DDX21: variants seen among roughly 807,000 people sequenced by gnomAD.
The protein encoded by DDX21 is DExD-box helicase 21.
A neutral mutation model predicts 90.0 loss-of-function variants in DDX21; 18 were observed. The observed-to-expected ratio is 0.20, with a 90% CI of 0.14 to 0.30. The LOEUF is 0.30. Ranked by LOEUF, DDX21 falls within the 10% of genes least tolerant of loss-of-function variation. The pLI, the probability that DDX21 is intolerant of heterozygous loss-of-function variation, is 1.00. For synonymous variants in DDX21, 294 were observed against 318.0 expected (o/e 0.92, Z 0.80); for missense variants, 673 against 944.5 (o/e 0.71, Z 3.77).
At chr10:68,965,330 AACAAATACT>A in intron 4 of DDX21, 38 bp from the exon 5 acceptor site, 1 of 1,496,928 alleles carries the variant, frequency 6.7e-7, no homozygotes, top group Admixed American at 1.7e-5. Context: ...TAGATTAAGA[AACAAATACT>A]ACACAGTAAT....
chr10:68,974,761 G>A lies in DDX21; in HGVS notation c.1742+18G>A. 6.2e-7 allele frequency: 1 copy of A among 1,602,424 alleles called. No individual in the cohort carries two copies. The highest frequency in any genetic ancestry group is 8.5e-7 in the Non-Finnish European group (1 of 1,170,030). ...GCCATCAGGTATGTTCCCTACCACT[G>A]CTATGGTCTGTTTTAGTGTTGGTTC... On this transcript the variant is annotated intron_variant, in intron 11 of 14. Coordinates refer to ENST00000354185, the MANE Select transcript of DDX21 (RefSeq NM_004728.4).
At chr10:68,979,557 A>G (rs1467163857) in intron 13 of DDX21, among the ~76,000 whole-genome samples, 1 of 152,186 alleles carries the variant, frequency 6.6e-6, no homozygotes, top group Non-Finnish European at 1.5e-5. Context: ...CAGAGCAATG[A>G]TTTTATCACG....
chr10:68,957,438 C>T (rs1589281095), intron 1 of DDX21, among the ~76,000 whole-genome samples: 1 of 152,140 alleles, frequency 6.6e-6, no homozygotes, highest in East Asian at 1.9e-4. Context: ...CAAAGATTGT[C>T]CTTGAACTTA....
chr10:68,972,051 A>C lies in DDX21; in HGVS notation c.1547A>C (p.Lys516Thr). 1 of 1,610,188 alleles carries C rather than the reference A, an allele frequency of 6.2e-7. No individual in the cohort carries two copies. Among genetic ancestry groups the C allele is most frequent in the South Asian group, 1.1e-5 (1 of 90,740 alleles). ...TTGGTTATACAAAGCTCTCCACCAA[A>C]GGTATGTGCTTTATGCTTAGATTTT... Reference protein sequence around the residue: ...VDLVIQSSPPKDVESYIHRSG... With the variant: ...VDLVIQSSPPTDVESYIHRSG... The change falls in exon 9 of 15, where the codon AAG (lysine) becomes ACG (threonine). Residue 516 changes from lysine to threonine, a missense_variant and splice_region_variant. By Grantham distance (78) the Lys-to-Thr change is moderately conservative (BLOSUM62 -1). This residue lies in a region of DDX21 where 26 missense variants were observed against 76.9 expected (regional missense o/e 0.34). Transcript: ENST00000354185.
At position 68,968,993 on chromosome 10, in the gene DDX21, C is replaced by G. The variant is rs1410498757; in HGVS notation, c.1108C>G (p.Gln370Glu). ...CCTCAAAGATTCTGAAGACAATCCC[C>G]AAACATTGCTTTTTTCTGCAACTTG... Reference protein sequence around the residue: ...AYKKDSEDNPQTLLFSATCPH... With the variant: ...AYKKDSEDNPETLLFSATCPH... Residue 370 changes from glutamine to glutamate, a missense_variant, in exon 7 of 15, where the codon CAA becomes GAA. Coordinates refer to ENST00000354185, the MANE Select transcript of DDX21 (RefSeq NM_004728.4). 6.2e-7 allele frequency: 1 copy of G among 1,612,544 alleles called. No individual in the cohort carries two copies. The highest frequency in any genetic ancestry group is 1.3e-5 in the African/African-American group (1 of 74,762).
At chr10:68,966,445 T>G (rs1440663694) in intron 5 of DDX21, among the ~76,000 whole-genome samples, 2 of 151,708 alleles carry the variant, frequency 1.3e-5, no homozygotes, top group Non-Finnish European at 2.9e-5. Flanking sequence ...TTCATTTATT[T>G]ATTTATTTAT....
At position 68,964,148 on chromosome 10, in the gene DDX21, G is replaced by A. The variant is rs539944510; in HGVS notation, c.786+679G>A. 5.8e-4 allele frequency: 235 copies of A among 408,062 alleles called. 4 individuals are homozygous for A. The highest frequency in any genetic ancestry group is 1.6e-3 in the South Asian group (90 of 55,772). The allele number at this position is 408,062 out of a possible 1,614,324, so 25.3% of individuals were successfully genotyped here. The stretch of plus-strand genomic sequence containing the variant: ...AAAGCATGAATGGAAAGAAGGGCAA[G>A]TCAGAGGTGAAAACGCCAAGCCCCC... On this transcript the variant is annotated intron_variant, in intron 4 of 14. Coordinates refer to ENST00000354185, the MANE Select transcript of DDX21 (RefSeq NM_004728.4).
chr10:68,962,255 G>A (rs1245605601), intron 3 of DDX21, 98 bp downstream of exon 3: 1 of 885,480 alleles, frequency 1.1e-6, no homozygotes, highest in Non-Finnish European at 1.8e-6. Context: ...TATTCTTATT[G>A]TAGGCTGATA....
At chr10:68,972,214 C>T (rs756288712) in intron 9 of DDX21, among the ~76,000 whole-genome samples, 162 bp downstream of exon 9, 5 of 152,054 alleles carry the variant, frequency 3.3e-5, no homozygotes, top group South Asian at 2.1e-4. Flanking sequence ...TCAGACACCC[C>T]CCTCAGAACT....
chr10:68,972,198 C>T (rs1054595130), intron 9 of DDX21, 146 bp downstream of exon 9: 3 of 925,840 alleles, frequency 3.2e-6, no homozygotes, highest in Non-Finnish European at 3.2e-6. Context: ...GAGAATGAAC[C>T]TGTTATCAGA....
chr10:68,979,861 T>C (rs1372866154), intron 13 of DDX21, among the ~76,000 whole-genome samples: 1 of 152,200 alleles, frequency 6.6e-6, no homozygotes, highest in Non-Finnish European at 1.5e-5. Flanking sequence ...AATTTCTACC[T>C]CATTGCTACC....
At chr10:68,956,639 C>T (rs1842799847) in intron 1 of DDX21, 2 of 1,181,850 alleles carry the variant, frequency 1.7e-6, no homozygotes, top group Non-Finnish European at 1.1e-6. Context: ...GCGACTTGGG[C>T]GCGCCTCACA....
chr10:68,968,209 A>C (rs766189928), intron 6 of DDX21, among the ~76,000 whole-genome samples: 5 of 151,440 alleles, frequency 3.3e-5, no homozygotes, highest in African/African-American at 4.9e-5. Context: ...TCACCCTGTC[A>C]CTCAGGCTAT....
intron 1 of DDX21, 150 bp from the exon 2 acceptor site, chr10:68,959,656 A>G: frequency 1.7e-6 from 1 of 600,676 alleles, no homozygotes; most frequent in Non-Finnish European, 2.6e-6. Flanking sequence ...TTTTTACCTT[A>G]TCACAGCATG....
rs1236585177 is a variant in DDX21, at chr10:68,982,749, CA to C, written c.2293del (p.Ser765ValfsTer21). 2 of 1,613,842 alleles carry C rather than the reference CA, an allele frequency of 1.2e-6. No homozygotes were observed. The highest frequency in any genetic ancestry group is 2.7e-5 in the African/African-American group (2 of 74,846). Reference protein sequence around the residue: ...PRGQRSGGGNKSNRSQNKGQK... With the variant: ...PRGQRSGGGNXSNRSQNKGQK... The stretch of plus-strand genomic sequence containing the variant: ...GAGGACAGCGATCAGGAGGTGGCAA[CA>C]AAAGTAACAGATCCCAAAACAAAGG... On this transcript the variant is annotated frameshift_variant, in exon 15 of 15. Transcript: ENST00000354185. LOFTEE classifies it high-confidence loss of function.
chr10:68,960,891 G>C (rs567953658), intron 2 of DDX21, among the ~76,000 whole-genome samples: 5 of 152,232 alleles, frequency 3.3e-5, no homozygotes, highest in African/African-American at 9.6e-5. Flanking sequence ...GTCAACAGAA[G>C]AGATACAGTT....
chr10:68,958,023 T>G (rs1218843210), intron 1 of DDX21, among the ~76,000 whole-genome samples: 1 of 152,222 alleles, frequency 6.6e-6, no homozygotes, highest in Non-Finnish European at 1.5e-5. Context: ...TTGTAACTTA[T>G]TTATTTTATT....
intron 2 of DDX21, among the ~76,000 whole-genome samples, 165 bp from the exon 3 acceptor site, chr10:68,961,917 T>C (rs141210332): frequency 5.3e-5 from 8 of 152,340 alleles, no homozygotes; most frequent in Admixed American, 1.3e-4. Context: ...CCTTTTCAGA[T>C]CTCGAGTTAC....
chr10:68,975,276 A>G (rs148829297), intron 11 of DDX21, among the ~76,000 whole-genome samples: 3 of 152,266 alleles, frequency 2.0e-5, no homozygotes, highest in African/African-American at 7.2e-5. Flanking sequence ...GATGGTGAGG[A>G]TTAGGTTAAT....
Sources: gnomAD v4.1 joint callset for allele counts (sites outside exome capture counted in the v4.1 genomes callset) on GRCh38, gnomAD v4.1.1 for gene constraint, gnomAD v4.1.1 regional missense constraint, MANE v1.5 for transcripts, NCBI Gene and HGNC (gene_info 2026-07-23, HGNC 2026-07-21) for gene names.